Variants in RAVER1 observed in about 807,000 individuals in gnomAD.
RAVER1 encodes ribonucleoprotein, PTB binding 1.
Under a neutral mutation model 68.4 loss-of-function variants are expected in RAVER1, and 36 were observed. That is an observed-to-expected ratio of 0.53 (90% CI 0.40 to 0.70). The LOEUF (loss-of-function observed/expected upper bound fraction) is 0.70. RAVER1 is among the 30% of genes least tolerant of loss of function. The pLI, the probability that RAVER1 is intolerant of heterozygous loss-of-function variation, is 0.00. For missense variants in RAVER1, 933 were observed against 1,019.8 expected, an observed-to-expected ratio of 0.91 and a Z score of 1.16; for synonymous variants, 469 against 472.7, an observed-to-expected ratio of 0.99 and a Z score of 0.10.
Position 10,328,073 on chromosome 19 carries a change from C to T in RAVER1, c.756+569G>A, listed in dbSNP as rs1269993951. ...ATCTGGCAAAGCCTCAGTCTCTGACCTCAAGGCTCAAATAGACTGTGGGCT... is the reference window on the plus strand; with the variant it reads ...ATCTGGCAAAGCCTCAGTCTCTGACTTCAAGGCTCAAATAGACTGTGGGCT... On this transcript the variant is annotated intron_variant, in intron 3 of 12. Transcript: ENST00000617231. The surrounding 1 kb of genome is among the most constrained non-coding windows in gnomAD (Gnocchi z 4.4). Among the ~76,000 whole-genome samples the T allele has an allele frequency of 6.6e-6, 1 of 152,198 alleles. No homozygotes were observed. Among genetic ancestry groups the T allele is most frequent in the African/African-American group, 2.4e-5 (1 of 41,450 alleles).
rs1375238733 is a variant in RAVER1, at chr19:10,316,549, G to A, written c.*905C>T. 3 of 987,422 alleles carry A rather than the reference G, an allele frequency of 3.0e-6. No homozygotes were observed. Among genetic ancestry groups the A allele is most frequent in the Non-Finnish European group, 3.6e-6 (3 of 830,996 alleles). The allele number at this position is 987,422 out of a possible 1,614,324, so 61.2% of individuals were successfully genotyped here. On this transcript the variant is annotated 3_prime_UTR_variant, in exon 13 of 13. Coordinates refer to ENST00000617231, the MANE Select transcript of RAVER1 (RefSeq NM_133452.3). ...TGACAGCAGAGGCTCCGGGAGATGG[G>A]CACAATGTCCGACTCCCACAGACAG...
rs1033665209 is a variant in RAVER1 at position 10,323,732 on chromosome 19, A to G, written c.757-166T>C. 1.3e-5 allele frequency among the ~76,000 whole-genome samples: 2 copies of G among 152,064 alleles called. No homozygotes were observed. Among genetic ancestry groups the G allele is most frequent in the African/African-American group, 2.4e-5 (1 of 41,402 alleles). On this transcript the variant is annotated intron_variant, in intron 3 of 12. Transcript: ENST00000617231. The surrounding 1 kb of genome is among the most constrained non-coding windows in gnomAD (Gnocchi z 6.2). ...TGCATCAGCTCATCTGATTTTCCCA[A>G]TGACCCTGGGAGGCTGCATCATACC...
In RAVER1 at chr19:10,329,652, T is replaced by G. The variant is rs868700858; in HGVS notation, c.287-541A>C. Among the ~76,000 whole-genome samples the G allele has an allele frequency of 2.2e-4, 34 of 151,826 alleles. No homozygotes were observed. The highest frequency in any genetic ancestry group is 7.7e-4 in the African/African-American group (32 of 41,520). The stretch of plus-strand genomic sequence containing the variant: ...ACACACTGCCCACCCCTGCCACCTT[T>G]CCAGGCCACCAGTGCCCCTGAACCC... On this transcript the variant is annotated intron_variant, in intron 2 of 12. Coordinates refer to ENST00000617231, the MANE Select transcript of RAVER1 (RefSeq NM_133452.3). The surrounding 1 kb of genome is among the most constrained non-coding windows in gnomAD (Gnocchi z 4.6).
rs775636591 is a variant in RAVER1, at chr19:10,317,758, G to A, written c.2005C>T (p.Pro669Ser). 3 of 1,588,960 alleles carry A rather than the reference G, an allele frequency of 1.9e-6. No individual in the cohort carries two copies. In the African/African-American group the frequency reaches 4.0e-5, roughly 21 times the overall value. Residue 669 changes from proline (P) to serine (S), a missense_variant, in exon 12 of 13, where the codon CCG becomes TCG. Around this residue, in one of 3 missense-constraint regions of RAVER1, gnomAD observed 699 missense variants for 731.1 expected, o/e 0.96. Transcript: ENST00000617231. The surrounding 1 kb of genome is among the most constrained non-coding windows in gnomAD (Gnocchi z 4.3). ...AGGAGCCCTTCTCCGGACCCCAGCGGGGAAGAGCCGATTGCCTGGGAGAAA... is the reference window on the plus strand; with the variant it reads ...AGGAGCCCTTCTCCGGACCCCAGCGAGGAAGAGCCGATTGCCTGGGAGAAA... ...SHLSKAIGSS[P>S]LGSGEGLLGL... is the part of the protein sequence containing the mutation.
chr19:10,319,968 G>A (rs2040423730), intron 9 of RAVER1, among the ~76,000 whole-genome samples: 1 of 152,066 alleles, frequency 6.6e-6, no homozygotes, highest in Non-Finnish European at 1.5e-5. Flanking sequence ...CTGCCAAGGA[G>A]GTTGGCATCA....
intron 1 of RAVER1, among the ~76,000 whole-genome samples, chr19:10,330,979 G>C (rs893928196): frequency 1.3e-5 from 2 of 151,956 alleles, no homozygotes; most frequent in African/African-American, 4.8e-5. Context: ...TAGGAGAACT[G>C]CTTGCACCCA....
chr19:10,332,364 G>A (rs1027884038), intron 1 of RAVER1, among the ~76,000 whole-genome samples: 6 of 152,158 alleles, frequency 3.9e-5, no homozygotes, highest in African/African-American at 7.2e-5. Context: ...GCATCTTGCA[G>A]GAGAGACAAT....
rs1396989839 is a variant in RAVER1 at position 10,323,556 on chromosome 19, C to T, written c.767G>A (p.Gly256Asp). 2.5e-6 allele frequency: 4 copies of T among 1,585,528 alleles called. No individual in the cohort carries two copies. The highest frequency in any genetic ancestry group is 3.4e-6 in the Non-Finnish European group (4 of 1,166,774). ...HSPTFCQLAC[G>D]QDGQLKGFAV... ...GAAGCCCTTCAGCTGCCCATCCTGGCCGCACGCCAGCTGCCGGAGGAAGGC... is the reference window on the plus strand; with the variant it reads ...GAAGCCCTTCAGCTGCCCATCCTGGTCGCACGCCAGCTGCCGGAGGAAGGC... The change falls in exon 4 of 13, where the codon GGC (glycine) becomes GAC (aspartate). Residue 256 changes from glycine to aspartate, a missense_variant. Physicochemically the swap from Gly to Asp is moderately conservative, Grantham distance 94 (BLOSUM62 -1). This residue lies in a region of RAVER1 where 699 missense variants were observed against 731.1 expected (regional missense o/e 0.96). Coordinates refer to ENST00000617231, the MANE Select transcript of RAVER1 (RefSeq NM_133452.3). The surrounding 1 kb of genome is among the most constrained non-coding windows in gnomAD (Gnocchi z 6.2).
chr19:10,325,049 C>T (rs1235947335), intron 3 of RAVER1, among the ~76,000 whole-genome samples: 1 of 150,946 alleles, frequency 6.6e-6, no homozygotes, highest in Non-Finnish European at 1.5e-5. Context: ...TTGAGGGAGT[C>T]TCGCTCTGTT....
At chr19:10,319,134 T>C in intron 10 of RAVER1, 32 bp downstream of exon 10, 2 of 1,603,384 alleles carry the variant, frequency 1.2e-6, no homozygotes, top group Non-Finnish European at 1.7e-6. Flanking sequence ...TAAAAGCTGA[T>C]TGCTACACAT....
chr19:10,329,043 G>A lies in RAVER1; in HGVS notation c.355C>T (p.Arg119Trp), dbSNP rs754877220. Residue 119 changes from arginine to tryptophan, a missense_variant, in exon 3 of 13, where the codon CGG (arginine) becomes TGG (tryptophan). Physicochemically the swap from Arg to Trp is moderately radical, Grantham distance 101 (BLOSUM62 -3). This residue lies in a region of RAVER1 where 211 missense variants were observed against 230.0 expected (regional missense o/e 0.92). Coordinates refer to ENST00000617231, the MANE Select transcript of RAVER1 (RefSeq NM_133452.3). The surrounding 1 kb of genome is among the most constrained non-coding windows in gnomAD (Gnocchi z 4.6). ...AINAFHQSRL[R>W]ERELSVQLQP... ...AGCTGCACCGACAGTTCACGCTCCC[G>A]CAGGCGGCTCTGGTGGAAAGCATTG... 7.1e-6 allele frequency: 11 copies of A among 1,538,852 alleles called. No individual in the cohort carries two copies. Among genetic ancestry groups the A allele is most frequent in the Middle Eastern group, 1.7e-4 (1 of 5,726 alleles).
rs531935964 is a variant in RAVER1 at position 10,329,373 on chromosome 19, C to T, written c.287-262G>A. On this transcript the variant is annotated intron_variant, in intron 2 of 12. Transcript: ENST00000617231. This position sits in a 1 kb window ranked among gnomAD's most constrained non-coding sequence, Gnocchi z 4.6. ...TCACCAACTGTGGGCCTGGCTCTGT[C>T]CTAAGAACGCTGTGGGTCACTCGGG... Among the ~76,000 whole-genome samples the T allele has an allele frequency of 1.1e-4, 16 of 152,348 alleles. No individual in the cohort carries two copies. Among genetic ancestry groups the T allele is most frequent in the African/African-American group, 2.6e-4 (11 of 41,582 alleles).
In RAVER1 at chr19:10,320,621, C is replaced by CT. The variant is rs2040428827; in HGVS notation, c.1770+33dup. ...ATATCAGTTTGGAGAATGATTTGGCCTTAGGGGACAGAGAGCTGCAGCCAG... is the reference window on the plus strand; with the variant it reads ...ATATCAGTTTGGAGAATGATTTGGCCTTTAGGGGACAGAGAGCTGCAGCCAG... On this transcript the variant is annotated intron_variant, in intron 9 of 12. Transcript: ENST00000617231. The CT allele has an allele frequency of 4.6e-6, 7 of 1,521,544 alleles. No homozygotes were observed. The South Asian group carries it at 8.7e-5, about 19-fold the overall frequency. The allele number at this position is 1,521,544 out of a possible 1,614,324, so 94.3% of individuals were successfully genotyped here.
Position 10,317,633 on chromosome 19 carries a change from G to A in RAVER1, c.2074-33C>T. 1.3e-6 allele frequency: 2 copies of A among 1,554,086 alleles called. No individual in the cohort carries two copies. The highest frequency in any genetic ancestry group is 1.7e-6 in the Non-Finnish European group (2 of 1,144,612). ...CAGAGGGCAGGGCGGGGCGGGTCAG[G>A]GGCCGCTGGGGGGCCGGGGCTTCCC... On this transcript the variant is annotated intron_variant, in intron 12 of 12. Transcript: ENST00000617231. This position sits in a 1 kb window ranked among gnomAD's most constrained non-coding sequence, Gnocchi z 4.3.
In RAVER1 at chr19:10,316,478, C is replaced by G. The variant is rs1279081127; in HGVS notation, c.*976G>C. ...AGGAGGCCAGCTCCAGGGATCTGGCCGGGGGTGGGCAGGCAGAATTCAAGA... is the reference window on the plus strand; with the variant it reads ...AGGAGGCCAGCTCCAGGGATCTGGCGGGGGGTGGGCAGGCAGAATTCAAGA... On this transcript the variant is annotated 3_prime_UTR_variant, in exon 13 of 13. Transcript: ENST00000617231. The G allele has an allele frequency of 1.0e-6, 1 of 992,374 alleles. No homozygotes were observed. Among genetic ancestry groups the G allele is most frequent in the East Asian group, 1.1e-4 (1 of 8,976 alleles). 61.5% of individuals were successfully genotyped at this position (992,374 alleles called of 1,614,324 possible). A position where few individuals can be genotyped will look rare whatever the true frequency, so the allele number is the denominator to read the frequency against.
Position 10,316,289 on chromosome 19 carries a change from T to C in RAVER1, c.*1165A>G. Reference sequence around the variant, plus strand: ...GGAGACTGGGGTGGGGTCGGGGGAATAGTCCCCTTGGAGTGGATGTGGACC... The same window carrying C: ...GGAGACTGGGGTGGGGTCGGGGGAACAGTCCCCTTGGAGTGGATGTGGACC... On this transcript the variant is annotated 3_prime_UTR_variant, in exon 13 of 13. Transcript: ENST00000617231. 1 of 1,236,318 alleles carries C rather than the reference T, an allele frequency of 8.1e-7. No homozygotes were observed. The highest frequency in any genetic ancestry group is 1.6e-5 in the African/African-American group (1 of 62,354). The allele number at this position is 1,236,318 out of a possible 1,614,324, so 76.6% of individuals were successfully genotyped here.
At chr19:10,321,449 T>C in intron 7 of RAVER1, 82 bp downstream of exon 7, 1 of 1,165,266 alleles carries the variant, frequency 8.6e-7, no homozygotes, top group Admixed American at 3.7e-5. Flanking sequence ...GACCCAGAGG[T>C]TGGGTCACTC....
chr19:10,319,077 G>A, intron 10 of RAVER1, 89 bp downstream of exon 10: 2 of 1,208,252 alleles, frequency 1.7e-6, no homozygotes, highest in Non-Finnish European at 2.4e-6. Context: ...CAAAATACAA[G>A]GTCTGCTGTT....
At chr19:10,324,033 A>T (rs1051675495) in intron 3 of RAVER1, among the ~76,000 whole-genome samples, 2 of 151,974 alleles carry the variant, frequency 1.3e-5, no homozygotes, top group Admixed American at 6.6e-5. Context: ...CTGTATTCCC[A>T]GCTACTTGGG....
Sources: gnomAD v4.1 joint callset for allele counts (sites outside exome capture counted in the v4.1 genomes callset) on GRCh38, gnomAD v4.1.1 for gene constraint, gnomAD v4.1.1 regional missense constraint, Gnocchi (gnomAD v3.1) non-coding constraint, MANE v1.5 for transcripts, NCBI Gene and HGNC (gene_info 2026-07-23, HGNC 2026-07-21) for gene names.